Variants in STK3 observed in about 807,000 individuals in gnomAD.
The protein encoded by STK3 is serine/threonine kinase 3.
Under a neutral mutation model 58.0 loss-of-function variants are expected in STK3, and 41 were observed. The ratio of observed to expected loss-of-function variants is 0.71; its 90% CI spans 0.55 to 0.92. The LOEUF (loss-of-function observed/expected upper bound fraction) is 0.92. Ranked by LOEUF, STK3 falls within the 40% of genes least tolerant of loss-of-function variation. The pLI is 0.00. For synonymous variants in STK3, 170 were observed against 191.0 expected, an observed-to-expected ratio of 0.89 and a Z score of 0.91; for missense variants, 479 against 602.7, an observed-to-expected ratio of 0.79 and a Z score of 2.15.
chr8:98,849,073 A>C lies in STK3; in HGVS notation c.110+34574T>G, dbSNP rs187225448. ...AACCCCGTCTCTACTAAAAATACAA[A>C]AAATTAGCTGGGCGTGGTGGCTGGC... On this transcript the variant is annotated intron_variant, in intron 3 of 12. Transcript: ENST00000523601. 5.2e-3 allele frequency among the ~76,000 whole-genome samples: 797 copies of C among 152,064 alleles called. 4 individuals are homozygous for C. Among genetic ancestry groups the C allele is most frequent in the Non-Finnish European group, 9.6e-3 (650 of 67,966 alleles).
chr8:98,675,121 A>G (rs917917269), intron 6 of STK3, among the ~76,000 whole-genome samples: 4 of 152,234 alleles, frequency 2.6e-5, no homozygotes, highest in African/African-American at 9.6e-5. Flanking sequence ...AAATATACAT[A>G]AAGTGCTTCA....
rs1421649694 is a variant in STK3, at chr8:98,455,903, G to A, written c.1415C>T (p.Ala472Val). The change falls in exon 11 of 11, where the codon GCG becomes GTG. Residue 472 changes from alanine to valine, a missense_variant. By Grantham distance (64) the Ala-to-Val change is moderately conservative (BLOSUM62 0). Transcript: ENST00000419617. ...EIEELRQRYTAKRQPILDAMD... is the reference protein window; with the variant it reads ...EIEELRQRYTVKRQPILDAMD... ...CGCATCCAGAATGGGCTGTCTTTTC[G>A]CAGTGTATCTCTGACGAAGTTCTTC... 24 of 1,613,296 alleles carry A rather than the reference G, an allele frequency of 1.5e-5. No homozygotes were observed. Among genetic ancestry groups the A allele is most frequent in the African/African-American group, 5.3e-5 (4 of 74,802 alleles).
At chr8:98,440,120 G>A (rs533827405) in intron 1 of STK3, among the ~76,000 whole-genome samples, 1 of 152,218 alleles carries the variant, frequency 6.6e-6, no homozygotes, top group South Asian at 2.1e-4. Flanking sequence ...AGCCCCAAAG[G>A]GATAAAGGAG....
intron 4 of STK3, among the ~76,000 whole-genome samples, chr8:98,729,831 A>G (rs925063270): frequency 1.6e-4 from 24 of 152,272 alleles, no homozygotes; most frequent in Non-Finnish European, 1.8e-4. Flanking sequence ...TAGCAGAGCC[A>G]GGATTCAAAT....
intron 3 of STK3, among the ~76,000 whole-genome samples, chr8:98,846,261 C>A (rs1265338273): frequency 1.3e-5 from 2 of 152,102 alleles, no homozygotes; most frequent in Admixed American, 6.5e-5. Flanking sequence ...TTGAGTGAAC[C>A]AATTGATAGT....
intron 1 of STK3, among the ~76,000 whole-genome samples, chr8:98,813,035 T>TAATA (rs1834324656): frequency 1.4e-5 from 2 of 146,522 alleles, no homozygotes; most frequent in African/African-American, 5.0e-5. Flanking sequence ...TAAAGCACAA[T>TAATA]AAAAAAAAAA....
intron 8 of STK3, among the ~76,000 whole-genome samples, chr8:98,562,737 GAAAAAAAAAAAA>G (rs778049177): frequency 3.5e-4 from 6 of 17,386 alleles, no homozygotes; most frequent in South Asian, 1.5e-3. Context: ...CACAAAAAAT[GAAAAAAAAAAAA>G]AAAAAAAAAA....
chr8:98,876,733 C>T (rs191906680), intron 3 of STK3, among the ~76,000 whole-genome samples: 9 of 152,286 alleles, frequency 5.9e-5, no homozygotes, highest in East Asian at 1.9e-4. Flanking sequence ...GTTGCTTAAT[C>T]GTTTCTAAGA....
At chr8:98,507,678 ATCT>A (rs1941552809) in intron 10 of STK3, among the ~76,000 whole-genome samples, 1 of 152,116 alleles carries the variant, frequency 6.6e-6, no homozygotes, top group South Asian at 2.1e-4. Flanking sequence ...CTCCAACTTC[ATCT>A]TCTTATGTTC....
intron 3 of STK3, among the ~76,000 whole-genome samples, chr8:98,433,152 C>G (rs1349101670): frequency 6.6e-6 from 1 of 151,970 alleles, no homozygotes; most frequent in Non-Finnish European, 1.5e-5. Context: ...TCCTAGTTTT[C>G]TAGGATCTCG....
At chr8:98,650,366 T>C (rs1311844179) in intron 6 of STK3, among the ~76,000 whole-genome samples, 2 of 152,270 alleles carry the variant, frequency 1.3e-5, no homozygotes, top group Non-Finnish European at 2.9e-5. Context: ...GCAGCCAAGA[T>C]GACCGAATAG....
chr8:98,936,167 C>T (rs1291488430), intron 1 of STK3, among the ~76,000 whole-genome samples: 1 of 152,150 alleles, frequency 6.6e-6, no homozygotes, highest in Non-Finnish European at 1.5e-5. Context: ...ATCCACCTAC[C>T]TCAGCCTCCC....
At chr8:98,935,182 GC>G (rs1840152932) in intron 1 of STK3, among the ~76,000 whole-genome samples, 1 of 152,196 alleles carries the variant, frequency 6.6e-6, no homozygotes, top group African/African-American at 2.4e-5. Context: ...TGGGGGGCTT[GC>G]CCTCCTTCAT....
intron 10 of STK3, among the ~76,000 whole-genome samples, chr8:98,491,162 CGA>C (rs61704241): frequency 0.068 from 9,723 of 142,786 alleles, 355 homozygotes; most frequent in Middle Eastern, 0.16. Context: ...AAAATAAACA[CGA>C]GAGAGAGAGA....
intron 1 of STK3, among the ~76,000 whole-genome samples, chr8:98,932,551 A>G (rs1587865968): frequency 6.6e-6 from 1 of 152,372 alleles, no homozygotes; most frequent in Non-Finnish European, 1.5e-5. Flanking sequence ...TTAATGAATC[A>G]GAGGAAAGTG....
intron 1 of STK3, among the ~76,000 whole-genome samples, chr8:98,921,886 G>T (rs1839579140): frequency 6.6e-6 from 1 of 152,124 alleles, no homozygotes; most frequent in Admixed American, 6.6e-5. Context: ...TAAAGACAGG[G>T]TTTTGCCATG....
chr8:98,707,098 A>T (rs773246796), intron 5 of STK3, 49 bp downstream of exon 5: 2 of 1,543,214 alleles, frequency 1.3e-6, no homozygotes, highest in South Asian at 1.3e-5. Flanking sequence ...TTATAATCAA[A>T]TCTGAACAAA....
downstream of STK3, chr8:98,883,749 T>C (rs1193221909): frequency 1.4e-6 from 1 of 702,914 alleles, no homozygotes. Flanking sequence ...GTCCATGAGT[T>C]GTAACATTTC....
At chr8:98,688,932 GA>G (rs780225817) in intron 6 of STK3, among the ~76,000 whole-genome samples, 41 of 152,032 alleles carry the variant, frequency 2.7e-4, no homozygotes, top group Non-Finnish European at 3.8e-4. Flanking sequence ...AAATGAAATT[GA>G]GAACAAAAAA....
Sources: gnomAD v4.1 joint callset for allele counts (sites outside exome capture counted in the v4.1 genomes callset) on GRCh38, gnomAD v4.1.1 for gene constraint, MANE v1.5 for transcripts, NCBI Gene and HGNC (gene_info 2026-07-23, HGNC 2026-07-21) for gene names.